The following DDX43 variants were observed in gnomAD, a reference collection of about 807,000 sequenced individuals.
The protein encoded by DDX43 is DEAD-box helicase 43.
In DDX43, 50 loss-of-function variants were observed where a neutral mutation model predicts 84.9. The observed-to-expected ratio is 0.59, with a 90% CI of 0.47 to 0.75. DDX43 has a LOEUF of 0.75. DDX43 is among the 30% of genes least tolerant of loss of function. The probability of loss-of-function intolerance (pLI) is 0.00; values close to 1 mark genes in which losing one functional copy is unlikely to be tolerated. For missense variants in DDX43, 689 were observed against 798.6 expected, an observed-to-expected ratio of 0.86 and a Z score of 1.65; for synonymous variants, 291 against 266.3, an observed-to-expected ratio of 1.09 and a Z score of -0.90.
intron 10 of DDX43, among the ~76,000 whole-genome samples, chr6:73,411,131 A>C (rs1278366510): frequency 1.5e-5 from 2 of 130,690 alleles, no homozygotes; most frequent in East Asian, 2.7e-4. Context: ...AGCCGAGATC[A>C]CGCCACTGCA....
At chr6:73,412,668 T>TGTGTGTGCGTGTGC (rs538597626) in intron 11 of DDX43, among the ~76,000 whole-genome samples, 2 of 108,396 alleles carry the variant, frequency 1.8e-5, no homozygotes, top group African/African-American at 7.9e-5. Context: ...TGTGTGTGTG[T>TGTGTGTGCGTGTGC]GCGCGCGCGC....
Position 73,394,828 on chromosome 6 carries a change from A to C in DDX43, c.-78A>C. 6.4e-7 allele frequency: 1 copy of C among 1,558,552 alleles called. No homozygotes were observed. The highest frequency in any genetic ancestry group is 8.7e-7 in the Non-Finnish European group (1 of 1,154,022). On this transcript the variant is annotated 5_prime_UTR_variant, in exon 1 of 17. Coordinates refer to ENST00000370336, the MANE Select transcript of DDX43 (RefSeq NM_018665.3). The stretch of plus-strand genomic sequence containing the variant: ...GTAGCGGCTGCGTGGCTTCCCTGGC[A>C]CGCTACTCTTACGACGTCACGGTCA...
chr6:73,402,052 G>T, intron 4 of DDX43, 62 bp downstream of exon 4: 1 of 1,581,876 alleles, frequency 6.3e-7, no homozygotes, highest in Non-Finnish European at 8.6e-7. Flanking sequence ...TTTATTCTCT[G>T]TACAATGTCT....
rs756731658 is a variant in DDX43, at chr6:73,414,554, T to C, written c.1613T>C (p.Val538Ala). ...KALENFKTGK[V>A]RILIATDLAS... ...ATTTGGCTTTACTTTTTAGGCAAAG[T>C]GAGAATACTAATTGCAACTGATCTA... The change falls in exon 14 of 17, where the codon GTG becomes GCG. Residue 538 changes from valine (V) to alanine (A), a missense_variant. Transcript: ENST00000370336. The C allele has an allele frequency of 6.2e-7, 1 of 1,611,808 alleles. No homozygotes were observed. Among genetic ancestry groups the C allele is most frequent in the South Asian group, 1.1e-5 (1 of 90,618 alleles).
chr6:73,412,668 T>TGTGTGTGTGTGTGTGTGCGCGC (rs538597626), intron 11 of DDX43, among the ~76,000 whole-genome samples: 26 of 108,462 alleles, frequency 2.4e-4, no homozygotes, highest in African/African-American at 8.3e-4. Context: ...TGTGTGTGTG[T>TGTGTGTGTGTGTGTGTGCGCGC]GCGCGCGCGC....
chr6:73,415,387 G>C, intron 14 of DDX43, 110 bp from the exon 15 acceptor site: 1 of 643,496 alleles, frequency 1.6e-6, no homozygotes, highest in African/African-American at 1.9e-5. Context: ...TTCCAAATCT[G>C]TTTGACCCTA....
At chr6:73,412,324 TTTC>T in intron 11 of DDX43, 32 bp downstream of exon 11, 1 of 1,573,754 alleles carries the variant, frequency 6.4e-7, no homozygotes, top group East Asian at 2.2e-5. Flanking sequence ...TTGTTTAACA[TTTC>T]TTATGAAAAT....
Position 73,409,251 on chromosome 6 carries a change from T to G in DDX43, c.1183T>G (p.Leu395Val). ...ACATTCTTTTTTGTCAATGCAGGTT[T>G]TAGATGAAGCAGACAAGATGTTGGA... ...VNLKNITYLV[L>V]DEADKMLDMG... Residue 395 changes from leucine (L) to valine (V), a missense_variant, in exon 10 of 17, where the codon TTA becomes GTA. Transcript: ENST00000370336. 6.2e-7 allele frequency: 1 copy of G among 1,613,814 alleles called. No homozygotes were observed. The highest frequency in any genetic ancestry group is 1.7e-4 in the Middle Eastern group (1 of 6,056).
At chr6:73,395,485 G>A (rs561111892) in intron 1 of DDX43, among the ~76,000 whole-genome samples, 2 of 151,912 alleles carry the variant, frequency 1.3e-5, no homozygotes, top group Admixed American at 6.5e-5. Context: ...GTGGTGGCGC[G>A]CGCCTGTAAT....
At chr6:73,408,577 A>C (rs1289635838) in intron 9 of DDX43, among the ~76,000 whole-genome samples, 1 of 151,592 alleles carries the variant, frequency 6.6e-6, no homozygotes, top group African/African-American at 2.4e-5. Flanking sequence ...TTATTTTAAG[A>C]CACAGTTTTG....
chr6:73,413,176 C>T (rs1467359455), intron 11 of DDX43, among the ~76,000 whole-genome samples: 1 of 151,866 alleles, frequency 6.6e-6, no homozygotes, highest in Non-Finnish European at 1.5e-5. Context: ...CAGTGGGAAC[C>T]CTCCATTATA....
At chr6:73,397,315 C>G (rs2150787612) in intron 1 of DDX43, among the ~76,000 whole-genome samples, 1 of 152,336 alleles carries the variant, frequency 6.6e-6, no homozygotes, top group South Asian at 2.1e-4. Context: ...TTGAACATCT[C>G]ATGCCTGTTG....
intron 12 of DDX43, 71 bp from the exon 13 acceptor site, chr6:73,413,899 T>G: frequency 6.6e-6 from 10 of 1,524,830 alleles, no homozygotes; most frequent in Non-Finnish European, 9.0e-6. Flanking sequence ...CTTTAGATTT[T>G]TGCTAACAGA....
At chr6:73,404,338 C>T (rs1769634152) in intron 4 of DDX43, among the ~76,000 whole-genome samples, 1 of 152,150 alleles carries the variant, frequency 6.6e-6, no homozygotes, top group African/African-American at 2.4e-5. Context: ...GGTGATCCAC[C>T]CGCCTCAGCC....
Position 73,415,560 on chromosome 6 carries a change from T to C in DDX43, c.1809T>C (p.Ile603=), listed in dbSNP as rs138615882. ...ATTGGAGGGTTGCCTCTGAATTGAT[T>C]AATATTCTGGAAAGAGCAAATCAGG... is the stretch of plus-strand genomic sequence containing the variant. ...RNDWRVASEL[I]NILERANQSI... is the part of the protein sequence containing the mutation. Residue 603 remains isoleucine, a synonymous_variant, in exon 15 of 17, where the codon ATT becomes ATC. Coordinates refer to ENST00000370336, the MANE Select transcript of DDX43 (RefSeq NM_018665.3). The C allele has an allele frequency of 4.1e-4, 667 of 1,612,442 alleles. 2 individuals carry two copies. In the African/African-American group the frequency reaches 8.2e-3, roughly 20 times the overall value.
In DDX43 at chr6:73,400,693, T is replaced by C. The variant is rs2150790215; in HGVS notation, c.436+330T>C. On this transcript the variant is annotated intron_variant, in intron 3 of 16. Coordinates refer to ENST00000370336, the MANE Select transcript of DDX43 (RefSeq NM_018665.3). ...CCCTTTAATACACACACTTTAGTGT[T>C]AGTGGGTAGAGTAAGGATTGGTCCC... 2.0e-5 allele frequency among the ~76,000 whole-genome samples: 3 copies of C among 152,308 alleles called. No individual in the cohort carries two copies. The Middle Eastern group carries it at 0.01, about 518-fold the overall frequency.
chr6:73,397,414 T>C (rs1405593424), intron 1 of DDX43, among the ~76,000 whole-genome samples: 2 of 152,208 alleles, frequency 1.3e-5, no homozygotes, highest in African/African-American at 4.8e-5. Flanking sequence ...AGAGTTCCAA[T>C]TTCTACATCC....
Position 73,394,963 on chromosome 6 carries a change from A to G in DDX43, c.58A>G (p.Ser20Gly). Residue 20 changes from serine (S) to glycine (G), a missense_variant, in exon 1 of 17, where the codon AGC becomes GGC. Physicochemically the swap from Ser to Gly is moderately conservative, Grantham distance 56 (BLOSUM62 0). Around this residue, in one of 2 missense-constraint regions of DDX43, gnomAD observed 137 missense variants for 105.9 expected, o/e 1.29. Coordinates refer to ENST00000370336, the MANE Select transcript of DDX43 (RefSeq NM_018665.3). ...TACGTGGGTCGTTGCTAGTCGGCGA[A>G]GCTCGACAGTGTCCCGAGCGCCAGA... ...ASTWVVASRR[S>G]STVSRAPERR... 6.2e-7 allele frequency: 1 copy of G among 1,614,258 alleles called. No homozygotes were observed. The highest frequency in any genetic ancestry group is 8.5e-7 in the Non-Finnish European group (1 of 1,180,038).
At chr6:73,413,922 G>A in intron 12 of DDX43, 48 bp from the exon 13 acceptor site, 1 of 1,525,660 alleles carries the variant, frequency 6.6e-7, no homozygotes. Flanking sequence ...TAAAACTGGT[G>A]GCATTAGAAT....
Sources: gnomAD v4.1 joint callset for allele counts (sites outside exome capture counted in the v4.1 genomes callset) on GRCh38, gnomAD v4.1.1 for gene constraint, gnomAD v4.1.1 regional missense constraint, MANE v1.5 for transcripts, NCBI Gene and HGNC (gene_info 2026-07-23, HGNC 2026-07-21) for gene names.